The following GALNT9 variants were observed in gnomAD, a reference collection of about 807,000 sequenced individuals.
GALNT9 encodes GalNAc transferase 9.
A neutral mutation model predicts 63.1 loss-of-function variants in GALNT9; 47 were observed. That is an observed-to-expected ratio of 0.75 (90% CI 0.59 to 0.95). The LOEUF (loss-of-function observed/expected upper bound fraction) is 0.95. Among genes scored for constraint, GALNT9 ranks in the 40% least tolerant of loss-of-function variants. GALNT9 has a pLI of 0.00. For synonymous variants in GALNT9, 396 were observed against 365.7 expected (o/e 1.08, Z -0.94); for missense variants, 829 against 874.8 (o/e 0.95, Z 0.66).
At position 132,263,673 on chromosome 12, in the gene GALNT9, C is replaced by T. The variant is rs368214998; in HGVS notation, c.420-1048G>A. ...CTGACAGCAAGCTCCTTTTCTGTCC[C>T]ATTGACAGCTCTATACCAAGAACCC... is the stretch of plus-strand genomic sequence containing the variant. On this transcript the variant is annotated intron_variant, in intron 2 of 10. Transcript: ENST00000328957. 1.6e-3 allele frequency among the ~76,000 whole-genome samples: 248 copies of T among 152,328 alleles called. 1 individual carries two copies. Among genetic ancestry groups the T allele is most frequent in the African/African-American group, 5.7e-3 (235 of 41,572 alleles).
chr12:132,328,039 C>T (rs1287902368), intron 1 of GALNT9, among the ~76,000 whole-genome samples: 2 of 152,164 alleles, frequency 1.3e-5, no homozygotes, highest in Non-Finnish European at 2.9e-5. Context: ...ATCATCGGCA[C>T]GGAACGGAAA....
intron 1 of GALNT9, among the ~76,000 whole-genome samples, chr12:132,289,632 C>T (rs149274571): frequency 3.7e-4 from 56 of 152,336 alleles, no homozygotes; most frequent in African/African-American, 1.3e-3. Flanking sequence ...ACCCCAGCCA[C>T]GCTGCTGCTC....
chr12:132,209,736 C>T (rs531369774), intron 6 of GALNT9, among the ~76,000 whole-genome samples: 7 of 152,292 alleles, frequency 4.6e-5, no homozygotes, highest in South Asian at 2.1e-4. Context: ...AGTTACCCTG[C>T]GTGGTCTAAA....
intron 1 of GALNT9, among the ~76,000 whole-genome samples, chr12:132,295,672 A>T (rs1270703657): frequency 6.6e-6 from 1 of 152,204 alleles, no homozygotes; most frequent in African/African-American, 2.4e-5. Context: ...TCCCCTGGAG[A>T]CTATGGAGGG....
At chr12:132,202,553 A>G (rs561140791) in intron 7 of GALNT9, among the ~76,000 whole-genome samples, 1 of 152,196 alleles carries the variant, frequency 6.6e-6, no homozygotes, top group Non-Finnish European at 1.5e-5. Context: ...GTAATATTGT[A>G]AATGAGAAGG....
chr12:132,265,440 C>T lies in GALNT9; in HGVS notation c.420-2815G>A, dbSNP rs1383897689. 1.3e-5 allele frequency among the ~76,000 whole-genome samples: 2 copies of T among 152,202 alleles called. No individual in the cohort carries two copies. Among genetic ancestry groups the T allele is most frequent in the African/African-American group, 2.4e-5 (1 of 41,444 alleles). ...GGCCCGGGTTTAATCTCAGAAGGGC[C>T]TGTCCTCATGTGACTTATTGCAACT... On this transcript the variant is annotated intron_variant, in intron 2 of 10. Coordinates refer to ENST00000328957, the MANE Select transcript of GALNT9 (RefSeq NM_001122636.2). The surrounding 1 kb of genome is among the most constrained non-coding windows in gnomAD (Gnocchi z 5.3).
intron 6 of GALNT9, among the ~76,000 whole-genome samples, chr12:132,231,059 T>G (rs879141848): frequency 4.8e-5 from 2 of 41,458 alleles, no homozygotes; most frequent in African/African-American, 9.5e-5. Context: ...CAGCGTGGAG[T>G]CCCTAGTGCC....
intron 6 of GALNT9, among the ~76,000 whole-genome samples, chr12:132,223,216 GCACCCCAGA>G (rs1877543074): frequency 3.2e-5 from 1 of 30,980 alleles, no homozygotes; most frequent in Non-Finnish European, 5.6e-5. Flanking sequence ...TACACAACCC[GCACCCCAGA>G]CACCCCACAC....
chr12:132,203,063 G>A lies in GALNT9; in HGVS notation c.1263+442C>T, dbSNP rs567517924. Among the ~76,000 whole-genome samples the A allele has an allele frequency of 2.6e-5, 4 of 152,248 alleles. No homozygotes were observed. The South Asian group carries it at 8.3e-4, about 32-fold the overall frequency. On this transcript the variant is annotated intron_variant, in intron 7 of 10. Transcript: ENST00000328957. ...GAAAAGGTGGCGCTGAGGACGGGAAGCCACACAGCGTATGAGCCGTTCATG... is the reference window on the plus strand; with the variant it reads ...GAAAAGGTGGCGCTGAGGACGGGAAACCACACAGCGTATGAGCCGTTCATG...
At chr12:132,231,155 C>T (rs1220022610) in intron 6 of GALNT9, among the ~76,000 whole-genome samples, 34 of 71,024 alleles carry the variant, frequency 4.8e-4, no homozygotes, top group African/African-American at 1.8e-3. Flanking sequence ...CAGCGTGGAG[C>T]CCCTAGTGCC....
At position 132,260,841 on chromosome 12, in the gene GALNT9, C is replaced by T. The variant is rs1051383096; in HGVS notation, c.761+107G>A. 10 of 1,408,748 alleles carry T rather than the reference C, an allele frequency of 7.1e-6. No homozygotes were observed. In the African/African-American group the frequency reaches 1.3e-4, roughly 18 times the overall value. The allele number at this position is 1,408,748 out of a possible 1,614,324, so 87.3% of individuals were successfully genotyped here. On this transcript the variant is annotated intron_variant, in intron 4 of 10. Transcript: ENST00000328957. The stretch of plus-strand genomic sequence containing the variant: ...CTGAAGGCTACGGCGAGTCTCCCAG[C>T]CCCGGGGCCAACCCAGCGGCCAGGC...
chr12:132,259,194 G>A (rs1347515953), intron 4 of GALNT9, among the ~76,000 whole-genome samples: 2 of 152,248 alleles, frequency 1.3e-5, no homozygotes, highest in African/African-American at 4.8e-5. Context: ...ACGGGAGGGG[G>A]TGCTATTTGC....
rs1252095250 is a variant in GALNT9 at position 132,213,097 on chromosome 12, CCGGG to C, written c.1078-9411_1078-9408del. Among the ~76,000 whole-genome samples, 303 of 77,742 alleles carry C rather than the reference CCGGG, an allele frequency of 3.9e-3. 18 individuals carry two copies. Among genetic ancestry groups the C allele is most frequent in the African/African-American group, 0.013 (288 of 21,798 alleles). The allele number at this position is 77,742 out of a possible 152,430, so 51.0% of individuals were successfully genotyped here. A position where few individuals can be genotyped will look rare whatever the true frequency, so the allele number is the denominator to read the frequency against. ...TCAGACCTCGACACGGAAACCCCACCCGGGTCTGCAGCCTTCAGACCTCGACACG... is the reference window on the plus strand; with the variant it reads ...TCAGACCTCGACACGGAAACCCCACCTCTGCAGCCTTCAGACCTCGACACG... On this transcript the variant is annotated intron_variant, in intron 6 of 10. Coordinates refer to ENST00000328957, the MANE Select transcript of GALNT9 (RefSeq NM_001122636.2).
At chr12:132,325,362 CCAGA>C (rs1408716661) in intron 1 of GALNT9, among the ~76,000 whole-genome samples, 2 of 152,218 alleles carry the variant, frequency 1.3e-5, no homozygotes, top group African/African-American at 2.4e-5. Flanking sequence ...AGAGCCAGGA[CCAGA>C]CAGACACAGC....
At position 132,302,087 on chromosome 12, in the gene GALNT9, C is replaced by T. The variant is rs144137914; in HGVS notation, c.239-15657G>A. On this transcript the variant is annotated intron_variant, in intron 1 of 10. Coordinates refer to ENST00000328957, the MANE Select transcript of GALNT9 (RefSeq NM_001122636.2). ...CACTGTGTCAAAGATAGAGAAATTT[C>T]ATGAATCTTGGTGCCAAGTCATTTT... Among the ~76,000 whole-genome samples, 251 of 152,308 alleles carry T rather than the reference C, an allele frequency of 1.6e-3. 1 individual carries two copies. Among genetic ancestry groups the T allele is most frequent in the African/African-American group, 5.2e-3 (218 of 41,560 alleles).
intron 2 of GALNT9, among the ~76,000 whole-genome samples, chr12:132,268,119 C>CCA (rs555370479): frequency 3.1e-4 from 44 of 141,514 alleles, no homozygotes; most frequent in East Asian, 8.3e-4. Flanking sequence ...ACACACAAAC[C>CCA]CACACACACA....
chr12:132,306,478 C>T (rs1446810133), intron 1 of GALNT9, among the ~76,000 whole-genome samples: 2 of 152,064 alleles, frequency 1.3e-5, no homozygotes, highest in African/African-American at 2.4e-5. Flanking sequence ...TCCAGGTGGG[C>T]GGGCAGAGCG....
At chr12:132,199,489 A>G (rs1457804466) in intron 8 of GALNT9, among the ~76,000 whole-genome samples, 3 of 151,974 alleles carry the variant, frequency 2.0e-5, no homozygotes, top group Non-Finnish European at 2.9e-5. Flanking sequence ...ACAGATGGAG[A>G]CTTGGCCATC....
At chr12:132,200,274 G>A (rs896251667) in intron 8 of GALNT9, among the ~76,000 whole-genome samples, 2 of 152,170 alleles carry the variant, frequency 1.3e-5, no homozygotes, top group South Asian at 4.1e-4. Context: ...ATGGTGGGAG[G>A]CACCCCATCC....
Sources: gnomAD v4.1 joint callset for allele counts (sites outside exome capture counted in the v4.1 genomes callset) on GRCh38, gnomAD v4.1.1 for gene constraint, Gnocchi (gnomAD v3.1) non-coding constraint, MANE v1.5 for transcripts, NCBI Gene and HGNC (gene_info 2026-07-23, HGNC 2026-07-21) for gene names.